Variants in DNAAF9 observed in about 807,000 individuals in gnomAD.
DNAAF9 encodes dynein axonemal assembly factor 9.
DNAAF9 carries 90 observed loss-of-function variants against 167.0 expected under a neutral mutation model. That is an observed-to-expected ratio of 0.54 (90% CI 0.45 to 0.64). The LOEUF is 0.64. Among genes scored for constraint, DNAAF9 ranks in the 30% least tolerant of loss-of-function variants. The probability of loss-of-function intolerance (pLI) is 0.00; values close to 1 mark genes in which losing one functional copy is unlikely to be tolerated. For synonymous variants in DNAAF9, 491 were observed against 508.8 expected (o/e 0.96, Z 0.47); for missense variants, 1,315 against 1,442.2 (o/e 0.91, Z 1.43).
intron 1 of DNAAF9, among the ~76,000 whole-genome samples, chr20:3,407,200 C>T (rs573136923): frequency 6.6e-6 from 1 of 152,116 alleles, no homozygotes; most frequent in South Asian, 2.1e-4. Flanking sequence ...CAGGGAATCG[C>T]TGTCCCTAGG....
chr20:3,407,443 G>T, intron 1 of DNAAF9, 32 bp downstream of exon 1: 2 of 1,285,074 alleles, frequency 1.6e-6, no homozygotes, highest in South Asian at 2.5e-5. Flanking sequence ...TCCCCCGCCC[G>T]GCCGCCCCTC....
At chr20:3,348,402 C>T (rs905651585) in intron 8 of DNAAF9, 123 bp downstream of exon 8, 1 of 524,942 alleles carries the variant, frequency 1.9e-6, no homozygotes, top group Non-Finnish European at 3.2e-6. Flanking sequence ...GTATACAACA[C>T]AGCTTAAAGA....
chr20:3,405,742 C>A (rs1382607981), intron 1 of DNAAF9, among the ~76,000 whole-genome samples: 1 of 152,150 alleles, frequency 6.6e-6, no homozygotes, highest in Non-Finnish European at 1.5e-5. Context: ...GAGACAGATT[C>A]TAAGGTAGAG....
At chr20:3,310,054 T>C (rs2069373444) in intron 20 of DNAAF9, among the ~76,000 whole-genome samples, 1 of 151,854 alleles carries the variant, frequency 6.6e-6, no homozygotes, top group Admixed American at 6.6e-5. Context: ...TAGCCGGGCA[T>C]GGTGGTGCAT....
chr20:3,348,662 T>A (rs1170483900), intron 7 of DNAAF9, 39 bp from the exon 8 acceptor site: 1 of 1,245,494 alleles, frequency 8.0e-7, no homozygotes, highest in Non-Finnish European at 1.1e-6. Flanking sequence ...TTTGGTCATA[T>A]AAAGGAGGTA....
chr20:3,364,920 C>T (rs1268384894), intron 6 of DNAAF9, among the ~76,000 whole-genome samples: 2 of 148,902 alleles, frequency 1.3e-5, no homozygotes, highest in Non-Finnish European at 3.0e-5. Flanking sequence ...TTCTCTCTCT[C>T]CCTCTCTCTC....
chr20:3,404,424 C>A (rs2084028676), intron 1 of DNAAF9, among the ~76,000 whole-genome samples: 1 of 152,168 alleles, frequency 6.6e-6, no homozygotes, highest in Admixed American at 6.5e-5. Flanking sequence ...AGGTAGGAAA[C>A]CATTTTCTCT....
At chr20:3,295,177 T>C (rs1350757975) in intron 23 of DNAAF9, among the ~76,000 whole-genome samples, 2 of 146,308 alleles carry the variant, frequency 1.4e-5, no homozygotes, top group Non-Finnish European at 3.0e-5. Flanking sequence ...CTCCCACTTT[T>C]TTTTTCTTTT....
chr20:3,295,900 T>C, intron 23 of DNAAF9: 5 of 1,353,010 alleles, frequency 3.7e-6, no homozygotes, highest in Non-Finnish European at 5.3e-6. Context: ...TGCCGTCAAT[T>C]GAATGTTCTC....
At chr20:3,336,765 T>G (rs2069961503) in intron 10 of DNAAF9, among the ~76,000 whole-genome samples, 2 of 151,826 alleles carry the variant, frequency 1.3e-5, no homozygotes, top group African/African-American at 4.8e-5. Context: ...TTGGCCAGGC[T>G]GGTCTTGAAC....
At chr20:3,296,384 G>C in intron 23 of DNAAF9, 2 of 271,824 alleles carry the variant, frequency 7.4e-6, no homozygotes, top group South Asian at 3.5e-5. Flanking sequence ...GACATTTTTC[G>C]TTTTTTTTTT....
intron 8 of DNAAF9, among the ~76,000 whole-genome samples, chr20:3,344,969 A>G (rs921419122): frequency 1.3e-5 from 2 of 152,170 alleles, no homozygotes; most frequent in African/African-American, 4.8e-5. Context: ...ATTTCCCTTC[A>G]TTAGTTAACA....
chr20:3,336,458 C>CT (rs2069952504), intron 10 of DNAAF9, among the ~76,000 whole-genome samples: 1 of 150,304 alleles, frequency 6.7e-6, no homozygotes, highest in Non-Finnish European at 1.5e-5. Flanking sequence ...TGGGTGATTT[C>CT]TATTGTTCTA....
intron 1 of DNAAF9, among the ~76,000 whole-genome samples, chr20:3,384,815 CA>C (rs1811765856): frequency 6.6e-6 from 1 of 152,034 alleles, no homozygotes; most frequent in African/African-American, 2.4e-5. Context: ...ATGAATCCAT[CA>C]ATGTAATCCC....
chr20:3,330,029 G>A (rs1465361934), intron 12 of DNAAF9, among the ~76,000 whole-genome samples: 1 of 152,180 alleles, frequency 6.6e-6, no homozygotes. Context: ...TTTCAGGATG[G>A]TTTATTCTTA....
At chr20:3,281,882 C>CA in intron 27 of DNAAF9, 116 bp from the exon 28 acceptor site, 2 of 982,532 alleles carry the variant, frequency 2.0e-6, no homozygotes, top group Admixed American at 4.8e-5. Flanking sequence ...AAAGGAAGAG[C>CA]CCGCAATCTG....
intron 1 of DNAAF9, among the ~76,000 whole-genome samples, chr20:3,382,767 G>A (rs562236782): frequency 1.3e-5 from 2 of 151,432 alleles, no homozygotes; most frequent in South Asian, 4.1e-4. Flanking sequence ...AACAGAGGAT[G>A]AAGCCAAAGT....
At chr20:3,306,009 A>C (rs1008897670) in intron 20 of DNAAF9, among the ~76,000 whole-genome samples, 6 of 152,050 alleles carry the variant, frequency 3.9e-5, no homozygotes, top group Non-Finnish European at 8.8e-5. Context: ...AGTCTCCCCA[A>C]CACCACAGCA....
At chr20:3,398,509 T>TA (rs200073051) in intron 1 of DNAAF9, among the ~76,000 whole-genome samples, 169 of 149,066 alleles carry the variant, frequency 1.1e-3, no homozygotes, top group African/African-American at 3.2e-3. Context: ...TGAAAAGCAT[T>TA]AAAAAAAAAA....
Sources: gnomAD v4.1 joint callset for allele counts (sites outside exome capture counted in the v4.1 genomes callset) on GRCh38, gnomAD v4.1.1 for gene constraint, MANE v1.5 for transcripts, NCBI Gene and HGNC (gene_info 2026-07-23, HGNC 2026-07-21) for gene names.